Variants in CLASP1 observed in about 807,000 individuals in gnomAD.
The protein encoded by CLASP1 is cytoplasmic linker associated protein 1, also known as CLIP-associating protein 1.
In CLASP1, 38 loss-of-function variants were observed where a neutral mutation model predicts 192.3. The ratio of observed to expected loss-of-function variants is 0.20; its 90% CI spans 0.15 to 0.26. The LOEUF (loss-of-function observed/expected upper bound fraction) is 0.26, where lower values mean the gene tolerates loss of function less well. Ranked by LOEUF, CLASP1 falls within the 10% of genes least tolerant of loss-of-function variation. The pLI, the probability that CLASP1 is intolerant of heterozygous loss-of-function variation, is 1.00. For synonymous variants in CLASP1, 691 were observed against 712.8 expected (o/e 0.97, Z 0.49); for missense variants, 1,433 against 1,932.5 (o/e 0.74, Z 4.85).
Position 121,531,073 on chromosome 2 carries a change from T to C in CLASP1, c.196-748A>G, listed in dbSNP as rs372311426. Reference sequence around the variant, plus strand: ...GTAATTCGTAAATAAACTAGTACTTTGTGGTTAAACCAGTAGAGGGTGCAC... The same window carrying C: ...GTAATTCGTAAATAAACTAGTACTTCGTGGTTAAACCAGTAGAGGGTGCAC... On this transcript the variant is annotated intron_variant, in intron 2 of 39. Transcript: ENST00000263710. 66 of 690,302 alleles carry C rather than the reference T, an allele frequency of 9.6e-5. 1 individual carries two copies. The highest frequency in any genetic ancestry group is 1.8e-4 in the South Asian group (12 of 66,984). The allele number at this position is 690,302 out of a possible 1,614,324, so 42.8% of individuals were successfully genotyped here.
intron 21 of CLASP1, among the ~76,000 whole-genome samples, chr2:121,426,018 GCCTC>G (rs2080309897): frequency 6.6e-6 from 1 of 151,960 alleles, no homozygotes; most frequent in Non-Finnish European, 1.5e-5. Context: ...GGTGGTACAT[GCCTC>G]TAGTCCCAGC....
intron 19 of CLASP1, among the ~76,000 whole-genome samples, chr2:121,438,630 A>G (rs2082723796): frequency 6.6e-6 from 1 of 152,154 alleles, no homozygotes; most frequent in Admixed American, 6.5e-5. Context: ...GCTGGATTAC[A>G]TTTATTGATT....
At chr2:121,408,825 A>T (rs1170167748) in intron 24 of CLASP1, among the ~76,000 whole-genome samples, 2 of 152,194 alleles carry the variant, frequency 1.3e-5, no homozygotes, top group Non-Finnish European at 2.9e-5. Flanking sequence ...ATAAATACTA[A>T]AACAGATGTA....
chr2:121,423,490 A>C (rs1322533393), intron 22 of CLASP1, among the ~76,000 whole-genome samples: 2 of 152,196 alleles, frequency 1.3e-5, no homozygotes, highest in Non-Finnish European at 2.9e-5. Flanking sequence ...TTAATAATAT[A>C]AAAGGAAAAA....
intron 34 of CLASP1, 142 bp downstream of exon 35, chr2:121,377,357 C>T: frequency 1.6e-6 from 1 of 644,426 alleles, no homozygotes; most frequent in Non-Finnish European, 2.6e-6. Context: ...TACATGTCAA[C>T]TAAAACTAAA....
At chr2:121,340,840 C>T (rs2062694426) in exon 40 of CLASP1, 3 of 1,595,506 alleles carry the variant, frequency 1.9e-6, no homozygotes, top group Middle Eastern at 2.2e-4. Context: ...TCTAGGTCTA[C>T]ACAAGAGACA....
At chr2:121,502,814 A>T (rs1427934400) in intron 8 of CLASP1, among the ~76,000 whole-genome samples, 2 of 152,188 alleles carry the variant, frequency 1.3e-5, no homozygotes, top group Non-Finnish European at 2.9e-5. Flanking sequence ...GGCATGGGGA[A>T]ACAGTAGAAG....
chr2:121,478,324 G>A (rs759858826), intron 8 of CLASP1, among the ~76,000 whole-genome samples: 4 of 152,120 alleles, frequency 2.6e-5, no homozygotes, highest in African/African-American at 9.7e-5. Context: ...CTACAGGCTG[G>A]GCACAGTGGC....
chr2:121,512,647 G>A (rs2094172087), intron 7 of CLASP1, among the ~76,000 whole-genome samples: 1 of 152,124 alleles, frequency 6.6e-6, no homozygotes, highest in African/African-American at 2.4e-5. Context: ...AACAACAAAT[G>A]GCCCTAATCC....
chr2:121,622,323 C>A (rs1036252914), intron 1 of CLASP1, among the ~76,000 whole-genome samples: 1 of 151,926 alleles, frequency 6.6e-6, no homozygotes, highest in African/African-American at 2.4e-5. Flanking sequence ...GTAATCCCAG[C>A]ACTTTGGGAG....
At position 121,622,034 on chromosome 2, in the gene CLASP1, G is replaced by A. The variant is rs1422950339; in HGVS notation, c.-285-15854C>T. Reference sequence around the variant, plus strand: ...AGCTAATTTTTGTATTTTTAGTAGAGATGGGGTTTCAGCATGTTGTTGTTC... The same window carrying A: ...AGCTAATTTTTGTATTTTTAGTAGAAATGGGGTTTCAGCATGTTGTTGTTC... On this transcript the variant is annotated intron_variant, in intron 1 of 39. Transcript: ENST00000263710. 2.6e-5 allele frequency among the ~76,000 whole-genome samples: 4 copies of A among 151,828 alleles called. 1 individual carries two copies. Among genetic ancestry groups the A allele is most frequent in the Admixed American group, 1.3e-4 (2 of 15,230 alleles).
intron 2 of CLASP1, among the ~76,000 whole-genome samples, chr2:121,558,957 T>C (rs948929219): frequency 6.6e-6 from 1 of 152,202 alleles, no homozygotes; most frequent in Admixed American, 6.5e-5. Flanking sequence ...GAATATTTTA[T>C]GAACAATCAA....
chr2:121,482,635 G>C (rs944503159), intron 8 of CLASP1, among the ~76,000 whole-genome samples: 5 of 152,192 alleles, frequency 3.3e-5, no homozygotes, highest in African/African-American at 9.6e-5. Context: ...AATTAGGGAA[G>C]ATGGGGATAA....
chr2:121,489,996 T>G lies in CLASP1; in HGVS notation c.712+13171A>C, dbSNP rs571433268. Among the ~76,000 whole-genome samples, 9 of 152,232 alleles carry G rather than the reference T, an allele frequency of 5.9e-5. No individual in the cohort carries two copies. In the South Asian group the frequency reaches 1.9e-3, roughly 32 times the overall value. ...ACTGTGAACATAAGCAGAGAAAAAT[T>G]AAAAGCCCATGAAATAAACAGAAGA... is the stretch of plus-strand genomic sequence containing the variant. On this transcript the variant is annotated intron_variant, in intron 8 of 39. Transcript: ENST00000263710.
chr2:121,455,307 T>A (rs2086394332), intron 14 of CLASP1, among the ~76,000 whole-genome samples: 1 of 152,100 alleles, frequency 6.6e-6, no homozygotes, highest in Admixed American at 6.5e-5. Context: ...TAGGTATATA[T>A]CCCCAAAAAA....
chr2:121,633,860 A>G (rs1338094981), intron 1 of CLASP1, among the ~76,000 whole-genome samples: 1 of 152,114 alleles, frequency 6.6e-6, no homozygotes, highest in Non-Finnish European at 1.5e-5. Flanking sequence ...AAAAAAAATT[A>G]GCCAGGCGTG....
chr2:121,620,538 C>T (rs921363664), intron 1 of CLASP1, among the ~76,000 whole-genome samples: 5 of 151,890 alleles, frequency 3.3e-5, no homozygotes, highest in African/African-American at 4.8e-5. Flanking sequence ...TTAGTAGAGA[C>T]GGGGTTTCAC....
intron 2 of CLASP1, among the ~76,000 whole-genome samples, chr2:121,594,004 G>A (rs1282164488): frequency 7.9e-5 from 10 of 126,476 alleles, no homozygotes; most frequent in South Asian, 5.3e-4. Flanking sequence ...GCAAAACTCC[G>A]TCTCAAAAAA....
chr2:121,448,160 C>G lies in CLASP1; in HGVS notation c.1741+116G>C, dbSNP rs202228141. On this transcript the variant is annotated intron_variant, in intron 18 of 39. Coordinates refer to ENST00000263710, the Ensembl canonical transcript of CLASP1. ...CAGGGCAGAGCAGGCAACATTCAAG[C>G]CTAAGAAGGAACTGAGGGCAGGCCG... 664 of 848,362 alleles carry G rather than the reference C, an allele frequency of 7.8e-4. 4 individuals are homozygous for G. In the East Asian group the frequency reaches 0.013, roughly 16 times the overall value. The allele number at this position is 848,362 out of a possible 1,614,324, so 52.6% of individuals were successfully genotyped here.
Sources: gnomAD v4.1 joint callset for allele counts (sites outside exome capture counted in the v4.1 genomes callset) on GRCh38, gnomAD v4.1.1 for gene constraint, MANE v1.5 for transcripts, NCBI Gene and HGNC (gene_info 2026-07-23, HGNC 2026-07-21) for gene names.